LRP1B: variants seen among roughly 807,000 people sequenced by gnomAD.
LRP1B encodes the protein LDL receptor related protein 1B, also known as low-density lipoprotein receptor-related protein 1B.
LRP1B carries 217 observed loss-of-function variants against 556.6 expected under a neutral mutation model. That is an observed-to-expected ratio of 0.39 (90% confidence interval 0.35 to 0.44). The LOEUF is 0.44. Among genes scored for constraint, LRP1B ranks in the 20% least tolerant of loss-of-function variants. The pLI, the probability that LRP1B is intolerant of heterozygous loss-of-function variation, is 1.00. For missense variants in LRP1B, 5,053 were observed against 5,620.8 expected (o/e 0.90, Z 3.23); for synonymous variants, 2,047 against 1,865.8 (o/e 1.10, Z -2.50).
At chr2:140,734,737 G>A (rs1573639554) in intron 35 of LRP1B, among the ~76,000 whole-genome samples, 1 of 107,508 alleles carries the variant, frequency 9.3e-6, no homozygotes, top group Non-Finnish European at 2.1e-5. Context: ...CTCAGCTAAT[G>A]ACTGTGTGAA....
intron 1 of LRP1B, among the ~76,000 whole-genome samples, chr2:141,927,041 C>A (rs373640840): frequency 3.9e-5 from 6 of 152,060 alleles, no homozygotes; most frequent in African/African-American, 1.2e-4. Context: ...ATACCTTTTG[C>A]CTCTTTGATT....
chr2:140,787,135 T>C (rs1468894039), intron 32 of LRP1B, among the ~76,000 whole-genome samples: 2 of 152,236 alleles, frequency 1.3e-5, no homozygotes, highest in South Asian at 4.1e-4. Flanking sequence ...TAAATATCCA[T>C]CTTAAATCAC....
At chr2:140,944,150 G>C (rs957104889) in intron 20 of LRP1B, among the ~76,000 whole-genome samples, 1 of 151,970 alleles carries the variant, frequency 6.6e-6, no homozygotes, top group African/African-American at 2.4e-5. Flanking sequence ...ACCTCTGTGT[G>C]TACAAACTAG....
chr2:141,479,905 A>G (rs1429427877), intron 3 of LRP1B, among the ~76,000 whole-genome samples: 1 of 152,234 alleles, frequency 6.6e-6, no homozygotes, highest in East Asian at 1.9e-4. Context: ...AGACAAAATT[A>G]CAAGAAAGTT....
chr2:141,846,108 G>A (rs758544529), intron 1 of LRP1B, among the ~76,000 whole-genome samples: 2 of 151,358 alleles, frequency 1.3e-5, no homozygotes, highest in African/African-American at 2.4e-5. Flanking sequence ...AGTAAAAATG[G>A]ACAGAAATAA....
At chr2:140,640,297 G>A (rs751638841) in intron 41 of LRP1B, among the ~76,000 whole-genome samples, 1 of 143,282 alleles carries the variant, frequency 7.0e-6, no homozygotes, top group Non-Finnish European at 1.5e-5. Flanking sequence ...GGCCTCAAAT[G>A]CTACATTGTT....
In LRP1B at chr2:141,131,018, T is replaced by C. The variant is rs944582688; in HGVS notation, c.1013+57403A>G. Among the ~76,000 whole-genome samples, 5 of 151,924 alleles carry C rather than the reference T, an allele frequency of 3.3e-5. No homozygotes were observed. In the East Asian group the frequency reaches 5.8e-4, roughly 18 times the overall value. ...GGAGGGGAACATCACACAGGGCATATACCTAACACATGTGGAACTTAAAAC... is the reference window on the plus strand; with the variant it reads ...GGAGGGGAACATCACACAGGGCATACACCTAACACATGTGGAACTTAAAAC... On this transcript the variant is annotated intron_variant, in intron 7 of 90. Coordinates refer to ENST00000389484, the MANE Select transcript of LRP1B (RefSeq NM_018557.3).
At chr2:140,409,098 T>G (rs1252812083) in intron 66 of LRP1B, among the ~76,000 whole-genome samples, 1 of 151,940 alleles carries the variant, frequency 6.6e-6, no homozygotes, top group Non-Finnish European at 1.5e-5. Context: ...AAAATGGAGA[T>G]TTGAAGGATT....
intron 7 of LRP1B, among the ~76,000 whole-genome samples, chr2:141,144,934 CTAA>C (rs1442628152): frequency 1.3e-5 from 2 of 152,298 alleles, no homozygotes; most frequent in East Asian, 3.9e-4. Flanking sequence ...GGTTCTCAGG[CTAA>C]TGTTTCCAAA....
At chr2:140,477,259 T>C (rs957739592) in intron 59 of LRP1B, among the ~76,000 whole-genome samples, 2 of 152,116 alleles carry the variant, frequency 1.3e-5, no homozygotes, top group African/African-American at 4.8e-5. Flanking sequence ...ATAATACTTT[T>C]TGATTTATCT....
At chr2:140,923,257 T>C in intron 20 of LRP1B, 110 bp from the exon 21 acceptor site, 1 of 737,580 alleles carries the variant, frequency 1.4e-6, no homozygotes, top group South Asian at 1.9e-5. Context: ...CTTCAGGCAT[T>C]ATTATAATGC....
intron 1 of LRP1B, among the ~76,000 whole-genome samples, chr2:142,089,461 G>A (rs1319150547): frequency 2.6e-5 from 4 of 152,184 alleles, no homozygotes; most frequent in South Asian, 2.1e-4. Context: ...ACAATGTTCC[G>A]ATGGATTTTG....
rs777058243 is a variant in LRP1B at position 141,058,846 on chromosome 2, A to G, written c.1408+37T>C. The stretch of plus-strand genomic sequence containing the variant: ...CAAGGACTATATCCCCATTCAATCT[A>G]CCATTAGGAAGGTAATAAAGAAGCT... On this transcript the variant is annotated intron_variant, in intron 9 of 90. Coordinates refer to ENST00000389484, the MANE Select transcript of LRP1B (RefSeq NM_018557.3). The G allele has an allele frequency of 4.0e-6, 6 of 1,517,370 alleles. No homozygotes were observed. In the South Asian group the frequency reaches 7.8e-5, roughly 20 times the overall value. The allele number at this position is 1,517,370 out of a possible 1,614,324, so 94.0% of individuals were successfully genotyped here. A position where few individuals can be genotyped will look rare whatever the true frequency, so the allele number is the denominator to read the frequency against.
chr2:141,627,795 C>T (rs913499355), intron 2 of LRP1B, among the ~76,000 whole-genome samples: 12 of 152,014 alleles, frequency 7.9e-5, no homozygotes, highest in African/African-American at 2.7e-4. Flanking sequence ...GATAATTACG[C>T]GATACCAACA....
At chr2:141,527,445 CAG>C (rs1684727796) in intron 2 of LRP1B, among the ~76,000 whole-genome samples, 1 of 151,802 alleles carries the variant, frequency 6.6e-6, no homozygotes, top group Non-Finnish European at 1.5e-5. Flanking sequence ...TAGTCACAAC[CAG>C]GGAGGAAATT....
intron 35 of LRP1B, among the ~76,000 whole-genome samples, chr2:140,760,867 C>T (rs570683514): frequency 1.1e-3 from 167 of 151,422 alleles, no homozygotes; most frequent in Middle Eastern, 6.8e-3. Flanking sequence ...CCAGCCTGGG[C>T]GACACAGTGA....
intron 3 of LRP1B, among the ~76,000 whole-genome samples, chr2:141,257,160 C>A (rs1037924623): frequency 3.3e-5 from 5 of 151,894 alleles, no homozygotes; most frequent in Non-Finnish European, 5.9e-5. Context: ...CTAATAGGAT[C>A]GATTGAGGGT....
chr2:140,396,052 A>T (rs1360569159), intron 66 of LRP1B, among the ~76,000 whole-genome samples: 1 of 152,164 alleles, frequency 6.6e-6, no homozygotes, highest in South Asian at 2.1e-4. Context: ...AGTATTGACA[A>T]ATTGTACAGT....
chr2:140,534,942 A>G (rs1043393294), intron 46 of LRP1B, among the ~76,000 whole-genome samples: 13 of 152,178 alleles, frequency 8.5e-5, no homozygotes, highest in African/African-American at 3.1e-4. Context: ...TAATTACACT[A>G]GCAGGTTTGG....
Sources: allele counts gnomAD v4.1 joint callset (sites outside exome capture counted in the v4.1 genomes callset), GRCh38; gene constraint gnomAD v4.1.1; transcripts MANE v1.5; gene names NCBI Gene and HGNC (gene_info 2026-07-23, HGNC 2026-07-21).